The following TAF6 variants were observed in gnomAD, a reference collection of about 807,000 sequenced individuals.
TAF6 encodes TATA-box binding protein associated factor 6, also known as transcription initiation factor TFIID subunit 6.
Under a neutral mutation model 73.5 loss-of-function variants are expected in TAF6, and 50 were observed. The observed-to-expected ratio is 0.68, with a 90% CI of 0.54 to 0.86. TAF6 has a LOEUF of 0.86. Among genes scored for constraint, TAF6 ranks in the 40% least tolerant of loss-of-function variants. The pLI, the probability that TAF6 is intolerant of heterozygous loss-of-function variation, is 0.00. For missense variants in TAF6, 768 were observed against 899.5 expected (o/e 0.85, Z 1.87); for synonymous variants, 424 against 376.7 (o/e 1.13, Z -1.45).
At chr7:100,107,697 A>G in intron 14 of TAF6, 74 bp from the exon 15 acceptor site, 1 of 1,562,138 alleles carries the variant, frequency 6.4e-7, no homozygotes, top group Non-Finnish European at 8.6e-7. Flanking sequence ...AGGACGCTTC[A>G]CTCGCTCCCT....
intron 5 of TAF6, 90 bp from the exon 6 acceptor site, chr7:100,113,007 G>A (rs1427239655): frequency 1.3e-5 from 19 of 1,513,354 alleles, no homozygotes; most frequent in African/African-American, 2.8e-5. Context: ...GCTCATGCCT[G>A]TAATCCCAGC....
At chr7:100,119,595 G>GC, upstream of TAF6, 1 of 1,507,158 alleles carries the variant, frequency 6.6e-7, no homozygotes, top group East Asian at 2.4e-5. Context: ...TAGCAACGAG[G>GC]CCCCACCCTT....
At chr7:100,116,281 G>A (rs1797664506) in intron 1 of TAF6, among the ~76,000 whole-genome samples, 1 of 152,068 alleles carries the variant, frequency 6.6e-6, no homozygotes, top group Non-Finnish European at 1.5e-5. Flanking sequence ...GTGCACTTTG[G>A]GAGGGTGAGG....
the TAF6 span, among the ~76,000 whole-genome samples, chr7:100,125,872 C>A: frequency 6.6e-6 from 1 of 152,108 alleles, no homozygotes; most frequent in Non-Finnish European, 1.5e-5. Context: ...GGAGAAACCT[C>A]GTCTCTACCA....
chr7:100,115,027 T>C (rs1797559120), intron 1 of TAF6, among the ~76,000 whole-genome samples: 1 of 152,046 alleles, frequency 6.6e-6, no homozygotes. Flanking sequence ...CAGCCAATTT[T>C]TTGCAGGGGC....
chr7:100,113,936 G>A lies in TAF6; in HGVS notation c.175C>T (p.His59Tyr). 1.2e-6 allele frequency: 2 copies of A among 1,613,964 alleles called. No homozygotes were observed. Among genetic ancestry groups the A allele is most frequent in the Non-Finnish European group, 1.7e-6 (2 of 1,180,026 alleles). The stretch of plus-strand genomic sequence containing the variant: ...GTGAGCTTCTGCCGCTTCCCCATGT[G>A]CATGAACTTCAAGGCATCCTGGGGT... ...EIAQDALKFM[H>Y]MGKRQKLTTS... Residue 59 changes from histidine to tyrosine, a missense_variant, in exon 3 of 15, where the codon CAC becomes TAC. His to Tyr is a moderately conservative substitution (Grantham distance 83, BLOSUM62 2). This residue lies in a region of TAF6 where 269 missense variants were observed against 268.0 expected (regional missense o/e 1.00). Transcript: ENST00000453269.
chr7:100,115,343 T>G (rs1797587020), intron 1 of TAF6: 1 of 152,212 alleles, frequency 6.6e-6, no homozygotes, highest in African/African-American at 2.4e-5. Flanking sequence ...CAGACACTTG[T>G]TCTTTATCTG....
chr7:100,125,085 G>T, the TAF6 span: 2 of 584,498 alleles, frequency 3.4e-6, no homozygotes, highest in African/African-American at 3.7e-5. Context: ...GGTGGGGGTG[G>T]AGGTCCTGCT....
At chr7:100,115,864 G>A (rs370508179) in intron 1 of TAF6, among the ~76,000 whole-genome samples, 1 of 152,088 alleles carries the variant, frequency 6.6e-6, no homozygotes, top group East Asian at 1.9e-4. Context: ...CCAGCTACTC[G>A]GGAGGCTGAG....
chr7:100,119,737 G>C (rs2116878289), upstream of TAF6: 1 of 1,614,158 alleles, frequency 6.2e-7, no homozygotes, highest in Middle Eastern at 1.6e-4. Context: ...TGTAGACGGC[G>C]CTTTGTCATG....
intron 12 of TAF6, 73 bp from the exon 13 acceptor site, chr7:100,108,613 ACT>A (rs1796832312): frequency 2.0e-6 from 3 of 1,495,692 alleles, no homozygotes; most frequent in African/African-American, 2.8e-5. Flanking sequence ...GGCTGGTGAC[ACT>A]CTTGAGAAGA....
chr7:100,108,782 T>G, intron 12 of TAF6: 1 of 374,446 alleles, frequency 2.7e-6, no homozygotes, highest in Non-Finnish European at 4.8e-6. Flanking sequence ...TAGGCCTGTA[T>G]CCCAGCACTT....
At chr7:100,108,697 A>C (rs898297630) in intron 12 of TAF6, 157 bp from the exon 13 acceptor site, 7 of 708,962 alleles carry the variant, frequency 9.9e-6, no homozygotes, top group African/African-American at 1.8e-5. Context: ...AATTATGCTG[A>C]ACTATTAGTG....
At chr7:100,111,864 G>A (rs1247943801) in intron 8 of TAF6, 35 bp from the exon 9 acceptor site, 19 of 1,613,986 alleles carry the variant, frequency 1.2e-5, no homozygotes, top group Non-Finnish European at 1.5e-5. Flanking sequence ...ATGGGGCAGG[G>A]AGACCCTCAC....
chr7:100,124,662 C>T, upstream of TAF6: 4 of 1,610,010 alleles, frequency 2.5e-6, no homozygotes, highest in Non-Finnish European at 3.4e-6. Context: ...CCTCTCCTGC[C>T]AAGCCATAGC....
upstream of TAF6, among the ~76,000 whole-genome samples, chr7:100,123,564 A>G (rs534575907): frequency 1.3e-5 from 2 of 152,082 alleles, no homozygotes; most frequent in East Asian, 3.9e-4. Flanking sequence ...CTTATTGCCC[A>G]GGCTGGAGTG....
intron 14 of TAF6, 25 bp from the exon 15 acceptor site, chr7:100,107,648 G>T: frequency 6.2e-7 from 1 of 1,604,974 alleles, no homozygotes. Context: ...AAGGCAGGCC[G>T]CTTGCCCTGT....
At chr7:100,124,948 C>G in the TAF6 span, 9 of 1,513,884 alleles carry the variant, frequency 5.9e-6, no homozygotes, top group Non-Finnish European at 7.1e-6. Context: ...AAAGCCTGCA[C>G]TCTCCCTGCT....
chr7:100,114,342 G>A (rs545932994), intron 1 of TAF6, 74 bp from the exon 2 acceptor site: 523 of 1,438,188 alleles, frequency 3.6e-4, no homozygotes, highest in Middle Eastern at 3.5e-4. Flanking sequence ...AGGGAGGACA[G>A]TGGAGACAGG....
Sources: allele counts gnomAD v4.1 joint callset (sites outside exome capture counted in the v4.1 genomes callset), GRCh38; gene constraint gnomAD v4.1.1; regional missense constraint gnomAD v4.1.1; transcripts MANE v1.5; gene names NCBI Gene and HGNC (gene_info 2026-07-23, HGNC 2026-07-21).